Variants in WWTR1 observed in about 807,000 individuals in gnomAD.
WWTR1 encodes the protein WW domain containing transcription regulator 1, also known as WW domain-containing transcription regulator protein 1.
WWTR1 carries 13 observed loss-of-function variants against 40.1 expected under a neutral mutation model. The observed-to-expected ratio is 0.32, with a 90% confidence interval of 0.21 to 0.52. The LOEUF is 0.52. Among genes scored for constraint, WWTR1 ranks in the 20% least tolerant of loss-of-function variants. WWTR1 has a pLI of 0.97. For synonymous variants in WWTR1, 230 were observed against 210.1 expected (o/e 1.09, Z -0.82); for missense variants, 436 against 523.1 (o/e 0.83, Z 1.63).
chr3:149,695,811 T>C (rs1576644310), intron 1 of WWTR1, among the ~76,000 whole-genome samples: 1 of 130,276 alleles, frequency 7.7e-6, no homozygotes, highest in African/African-American at 2.7e-5. Flanking sequence ...ATATATATAT[T>C]TAAAAAAGAT....
intron 3 of WWTR1, among the ~76,000 whole-genome samples, chr3:149,559,439 A>AGATAGATG (rs1206619659): frequency 1.3e-5 from 2 of 152,264 alleles, no homozygotes; most frequent in Non-Finnish European, 2.9e-5. Context: ...GTAGATAGAT[A>AGATAGATG]GATAGATGGA....
chr3:149,572,797 C>A, intron 3 of WWTR1, 67 bp downstream of exon 3: 2 of 1,563,416 alleles, frequency 1.3e-6, no homozygotes, highest in Non-Finnish European at 8.6e-7. Context: ...GCCTGGGCAA[C>A]AAAGGGAGAC....
chr3:149,655,016 C>T (rs1008922202), intron 2 of WWTR1, among the ~76,000 whole-genome samples: 1 of 152,012 alleles, frequency 6.6e-6, no homozygotes, highest in Non-Finnish European at 1.5e-5. Flanking sequence ...GTCCCAGCTA[C>T]TCGGGAGGCT....
At chr3:149,598,389 G>C (rs1253345956) in intron 2 of WWTR1, among the ~76,000 whole-genome samples, 1 of 152,162 alleles carries the variant, frequency 6.6e-6, no homozygotes, top group East Asian at 1.9e-4. Flanking sequence ...TTATAAATGA[G>C]GAAACTGAGG....
At chr3:149,686,768 T>C (rs1714669688) in intron 1 of WWTR1, among the ~76,000 whole-genome samples, 1 of 152,182 alleles carries the variant, frequency 6.6e-6, no homozygotes, top group Non-Finnish European at 1.5e-5. Flanking sequence ...AAAAAGAGGC[T>C]GCCATGCATA....
At chr3:149,606,923 A>T (rs1739516624) in intron 2 of WWTR1, among the ~76,000 whole-genome samples, 1 of 152,230 alleles carries the variant, frequency 6.6e-6, no homozygotes, top group South Asian at 2.1e-4. Flanking sequence ...ACTGCGAGGC[A>T]TCCACTCTGA....
At chr3:149,611,779 G>T (rs995281637) in intron 2 of WWTR1, among the ~76,000 whole-genome samples, 3 of 152,194 alleles carry the variant, frequency 2.0e-5, no homozygotes, top group Non-Finnish European at 2.9e-5. Context: ...GTGTTTGCTA[G>T]CTTACTGGAA....
At chr3:149,525,823 T>G (rs1190401032) in intron 6 of WWTR1, 190 bp downstream of exon 6, 8 of 380,838 alleles carry the variant, frequency 2.1e-5, no homozygotes, top group African/African-American at 1.7e-4. Context: ...ACTACCTGGG[T>G]GACGAGAGCA....
intron 4 of WWTR1, among the ~76,000 whole-genome samples, chr3:149,719,299 T>TAGCTGGGACTACAGGCGTC (rs1274482019): frequency 1.1e-4 from 16 of 151,890 alleles, no homozygotes; most frequent in Non-Finnish European, 1.5e-4. Flanking sequence ...GCCTCCTGAG[T>TAGCTGGGACTACAGGCGTC]AGCTGGGACT....
intron 4 of WWTR1, chr3:149,541,112 T>C (rs2107934883): frequency 2.2e-6 from 1 of 451,752 alleles, no homozygotes; most frequent in South Asian, 1.6e-5. Context: ...AAGTTATTCA[T>C]GTATCTTGCT....
chr3:149,631,178 G>A (rs191517318), intron 2 of WWTR1, among the ~76,000 whole-genome samples: 76 of 152,248 alleles, frequency 5.0e-4, no homozygotes, highest in Middle Eastern at 3.4e-3. Flanking sequence ...CAAATTTCTC[G>A]ACCTCCTACC....
chr3:149,569,528 G>C (rs1050766134), intron 3 of WWTR1, among the ~76,000 whole-genome samples: 3 of 152,162 alleles, frequency 2.0e-5, no homozygotes, highest in African/African-American at 7.2e-5. Flanking sequence ...AGACACCCAA[G>C]TCCATGTACC....
At chr3:149,722,460 GTTCA>G (rs1402330985) in intron 4 of WWTR1, among the ~76,000 whole-genome samples, 1 of 151,062 alleles carries the variant, frequency 6.6e-6, no homozygotes, top group Non-Finnish European at 1.5e-5. Context: ...TATCATGTGT[GTTCA>G]TTTTCATTTG....
At chr3:149,643,360 C>T (rs1038659092) in intron 2 of WWTR1, among the ~76,000 whole-genome samples, 33 of 152,300 alleles carry the variant, frequency 2.2e-4, no homozygotes, top group Middle Eastern at 3.4e-3. Flanking sequence ...CGTGTGCCAG[C>T]AATAACAGTC....
intron 4 of WWTR1, among the ~76,000 whole-genome samples, chr3:149,718,627 C>T (rs923247547): frequency 2.6e-5 from 4 of 152,326 alleles, no homozygotes; most frequent in Admixed American, 2.0e-4. Context: ...CGTTAAACAA[C>T]AACTCATTGC....
chr3:149,561,728 TC>T (rs772555850), intron 3 of WWTR1, among the ~76,000 whole-genome samples: 1 of 152,130 alleles, frequency 6.6e-6, no homozygotes, highest in Non-Finnish European at 1.5e-5. Flanking sequence ...AATGAACAAA[TC>T]AGTAAGTACT....
intron 1 of WWTR1, among the ~76,000 whole-genome samples, chr3:149,697,416 A>G (rs76844007): frequency 0.043 from 6,542 of 152,242 alleles, 255 homozygotes; most frequent in African/African-American, 0.1. Context: ...TGACAACTAT[A>G]AAACATTGAT....
At chr3:149,655,630 C>T (rs1713166803) in intron 2 of WWTR1, among the ~76,000 whole-genome samples, 1 of 152,122 alleles carries the variant, frequency 6.6e-6, no homozygotes, top group Non-Finnish European at 1.5e-5. Context: ...AGCATTACAC[C>T]AATCTCAGAA....
chr3:149,654,378 T>C (rs1323458944), intron 2 of WWTR1, among the ~76,000 whole-genome samples: 1 of 152,186 alleles, frequency 6.6e-6, no homozygotes, highest in Non-Finnish European at 1.5e-5. Flanking sequence ...TTAAAGACAA[T>C]AGTCACTGAC....
Sources: allele counts gnomAD v4.1 joint callset (sites outside exome capture counted in the v4.1 genomes callset), GRCh38; gene constraint gnomAD v4.1.1; transcripts MANE v1.5; gene names NCBI Gene and HGNC (gene_info 2026-07-23, HGNC 2026-07-21).